MAP2K7: variants seen among roughly 807,000 people sequenced by gnomAD.
The protein encoded by MAP2K7 is dual specificity mitogen-activated protein kinase kinase 7.
A neutral mutation model predicts 47.7 loss-of-function variants in MAP2K7; 12 were observed. The observed-to-expected ratio is 0.25, with a 90% CI of 0.16 to 0.41. MAP2K7 has a LOEUF of 0.41. MAP2K7 is among the 10% of genes least tolerant of loss of function. The pLI is 1.00. For synonymous variants in MAP2K7, 299 were observed against 243.0 expected, an observed-to-expected ratio of 1.23 and a Z score of -2.14; for missense variants, 415 against 600.3, an observed-to-expected ratio of 0.69 and a Z score of 3.23.
intron 1 of MAP2K7, chr19:7,906,155 G>A (rs1389771517): frequency 5.1e-5 from 23 of 455,082 alleles, no homozygotes; most frequent in Admixed American, 4.2e-4. Flanking sequence ...GGGGGTGCAC[G>A]CCTGTGTGTG....
intron 3 of MAP2K7, 52 bp from the exon 4 acceptor site, chr19:7,910,207 AG>A: frequency 6.2e-7 from 1 of 1,603,164 alleles, no homozygotes; most frequent in African/African-American, 1.3e-5. Context: ...AGTGGGGGGC[AG>A]GGGGCGGTGG....
chr19:7,909,234 T>C (rs943450317), intron 1 of MAP2K7, among the ~76,000 whole-genome samples: 4 of 152,188 alleles, frequency 2.6e-5, no homozygotes, highest in African/African-American at 4.8e-5. Context: ...CAAGGCAGCC[T>C]GAAGCCTGGG....
chr19:7,905,801 C>A (rs772916245), intron 1 of MAP2K7: 1 of 1,611,722 alleles, frequency 6.2e-7, no homozygotes, highest in Non-Finnish European at 8.5e-7. Context: ...TCCTTTTCCC[C>A]ATCCAGTTAT....
chr19:7,912,464 AG>A lies in MAP2K7; in HGVS notation c.*37del, dbSNP rs780603370. On this transcript the variant is annotated 3_prime_UTR_variant, in exon 11 of 11. Coordinates refer to ENST00000397979, the MANE Select transcript of MAP2K7 (RefSeq NM_145185.4). Reference sequence around the variant, plus strand: ...GCGGCGGCCAGCCCCACAGGGGGCCAGGGGCATGGCCACAGGCCCCCCTCCC... The same window carrying A: ...GCGGCGGCCAGCCCCACAGGGGGCCAGGGCATGGCCACAGGCCCCCCTCCC... 63 of 1,591,896 alleles carry A rather than the reference AG, an allele frequency of 4.0e-5. No homozygotes were observed. In the East Asian group the frequency reaches 1.4e-3, roughly 36 times the overall value.
rs1982698130 is a variant in MAP2K7 at position 7,909,803 on chromosome 19, CAGAG to C, written c.176_179del (p.Glu59AlafsTer41). The C allele has an allele frequency of 6.5e-7, 1 of 1,543,434 alleles. No individual in the cohort carries two copies. Among genetic ancestry groups the C allele is most frequent in the Non-Finnish European group, 8.7e-7 (1 of 1,146,184 alleles). On this transcript the variant is annotated frameshift_variant, in exon 2 of 11. Coordinates refer to ENST00000397979, the MANE Select transcript of MAP2K7 (RefSeq NM_145185.4). LOFTEE classifies it high-confidence loss of function. ...GATGGGGGCAGCCGCTCGCCATCCTCAGAGAGCTCCCCGCAGCACCCCACGCCCC... is the reference window on the plus strand; with the variant it reads ...GATGGGGGCAGCCGCTCGCCATCCTCAGCTCCCCGCAGCACCCCACGCCCC...
At chr19:7,911,228 T>C (rs1982837031) in intron 7 of MAP2K7, 22 bp from the exon 8 acceptor site, 4 of 1,584,848 alleles carry the variant, frequency 2.5e-6, no homozygotes, top group Admixed American at 1.7e-5. Flanking sequence ...TGGAGATACG[T>C]CTTCTCCTCC....
At chr19:7,907,502 C>T (rs552267854) in intron 1 of MAP2K7, among the ~76,000 whole-genome samples, 5 of 152,340 alleles carry the variant, frequency 3.3e-5, no homozygotes, top group South Asian at 2.1e-4. Flanking sequence ...CTCTCTCATC[C>T]GTTCTCTTTC....
Position 7,909,905 on chromosome 19 carries a change from G to C in MAP2K7, c.266+9G>C. ...CCCCGCAGCATGGAGAGGTGAGCCA[G>C]GGGCCCAGCAGGGTTGGGTGGGAAG... On this transcript the variant is annotated intron_variant, in intron 2 of 10. Transcript: ENST00000397979. 1 of 1,510,762 alleles carries C rather than the reference G, an allele frequency of 6.6e-7. No homozygotes were observed. Among genetic ancestry groups the C allele is most frequent in the Non-Finnish European group, 8.9e-7 (1 of 1,125,648 alleles). The allele number at this position is 1,510,762 out of a possible 1,614,324, so 93.6% of individuals were successfully genotyped here.
At chr19:7,904,816 G>T (rs1179958616) in intron 1 of MAP2K7, among the ~76,000 whole-genome samples, 1 of 151,998 alleles carries the variant, frequency 6.6e-6, no homozygotes, top group Non-Finnish European at 1.5e-5. Context: ...AGCCAGCCCG[G>T]TGACTTTGTC....
intron 9 of MAP2K7, 70 bp from the exon 10 acceptor site, chr19:7,912,079 G>A (rs1194691054): frequency 1.3e-6 from 2 of 1,482,556 alleles, no homozygotes; most frequent in Admixed American, 1.7e-5. Flanking sequence ...GGGAGGGCCT[G>A]AGCACAGGGG....
At chr19:7,909,484 G>A (rs939615396) in intron 1 of MAP2K7, among the ~76,000 whole-genome samples, 8 of 152,336 alleles carry the variant, frequency 5.3e-5, no homozygotes, top group South Asian at 2.1e-4. Flanking sequence ...TCGTTTCTCC[G>A]TCAGCGTAGA....
At chr19:7,907,376 G>A (rs1020694928) in intron 1 of MAP2K7, among the ~76,000 whole-genome samples, 3 of 152,214 alleles carry the variant, frequency 2.0e-5, no homozygotes, top group African/African-American at 7.2e-5. Flanking sequence ...TCCACGGCAT[G>A]CCCCGGGTGT....
chr19:7,904,717 C>T lies in MAP2K7; in HGVS notation c.124+649C>T, dbSNP rs959877788. Among the ~76,000 whole-genome samples the T allele has an allele frequency of 2.0e-5, 3 of 152,064 alleles. No individual in the cohort carries two copies. In the East Asian group the frequency reaches 5.8e-4, roughly 29 times the overall value. On this transcript the variant is annotated intron_variant, in intron 1 of 10. Coordinates refer to ENST00000397979, the MANE Select transcript of MAP2K7 (RefSeq NM_145185.4). ...TCAGCAGACCCCCTCCCACATACACCAGGCCCCGCAAATCCCTGTGACCAG... is the reference window on the plus strand; with the variant it reads ...TCAGCAGACCCCCTCCCACATACACTAGGCCCCGCAAATCCCTGTGACCAG...
At chr19:7,912,262 G>A (rs369434060) in intron 10 of MAP2K7, 35 bp from the exon 11 acceptor site, 102 of 1,613,308 alleles carry the variant, frequency 6.3e-5, no homozygotes, top group Admixed American at 1.2e-4. Context: ...AGGGAAGACC[G>A]TCTCCTCCTA....
chr19:7,904,087 G>C lies in MAP2K7; in HGVS notation c.124+19G>C, dbSNP rs776219808. ...AGGCCCAGTAAGCACGGCGGCGTGG[G>C]GGAGGGGGCGGGCGGGCGGGGCGGG... On this transcript the variant is annotated intron_variant, in intron 1 of 10. Transcript: ENST00000397979. 4 of 1,279,258 alleles carry C rather than the reference G, an allele frequency of 3.1e-6. No individual in the cohort carries two copies. In the East Asian group the frequency reaches 1.4e-4, roughly 43 times the overall value. The allele number at this position is 1,279,258 out of a possible 1,614,324, so 79.2% of individuals were successfully genotyped here. A position where few individuals can be genotyped will look rare whatever the true frequency, so the allele number is the denominator to read the frequency against.
At chr19:7,905,496 C>G (rs1353950501) in intron 1 of MAP2K7, among the ~76,000 whole-genome samples, 1 of 152,214 alleles carries the variant, frequency 6.6e-6, no homozygotes, top group African/African-American at 2.4e-5. Context: ...GCCGCCCTCC[C>G]TGGCCCCTGA....
rs756619690 is a variant in MAP2K7 at position 7,910,763 on chromosome 19, G to A, written c.635G>A (p.Gly212Asp). ...CAEKLKKRMQGPIPERILGKM... is the reference protein window; with the variant it reads ...CAEKLKKRMQDPIPERILGKM... ...GAGAAGCTCAAGAAGCGGATGCAGG[G>A]CCCCATCCCCGAGCGCATTCTGGGC... Residue 212 changes from glycine to aspartate, a missense_variant, in exon 6 of 11, where the codon GGC becomes GAC. By Grantham distance (94) the Gly-to-Asp change is moderately conservative. Around this residue, in one of 3 missense-constraint regions of MAP2K7, gnomAD observed 206 missense variants for 368.8 expected, o/e 0.56. Coordinates refer to ENST00000397979, the MANE Select transcript of MAP2K7 (RefSeq NM_145185.4). The A allele has an allele frequency of 3.7e-6, 6 of 1,611,822 alleles. No individual in the cohort carries two copies. In the South Asian group the frequency reaches 5.5e-5, roughly 15 times the overall value.
At chr19:7,908,869 A>C (rs1982628066) in intron 1 of MAP2K7, among the ~76,000 whole-genome samples, 1 of 151,936 alleles carries the variant, frequency 6.6e-6, no homozygotes, top group South Asian at 2.1e-4. Context: ...CCTGGGCCCT[A>C]GTCTTGGTTC....
chr19:7,912,482 C>G lies in MAP2K7; in HGVS notation c.*51C>G. 2 of 1,556,142 alleles carry G rather than the reference C, an allele frequency of 1.3e-6. No individual in the cohort carries two copies. The highest frequency in any genetic ancestry group is 1.7e-6 in the Non-Finnish European group (2 of 1,157,118). On this transcript the variant is annotated 3_prime_UTR_variant, in exon 11 of 11. Coordinates refer to ENST00000397979, the MANE Select transcript of MAP2K7 (RefSeq NM_145185.4). ...GGGGGCCAGGGGCATGGCCACAGGC[C>G]CCCCTCCCCACTTGGCCACCCAGCT...
Sources: allele counts gnomAD v4.1 joint callset (sites outside exome capture counted in the v4.1 genomes callset), GRCh38; gene constraint gnomAD v4.1.1; regional missense constraint gnomAD v4.1.1; transcripts MANE v1.5; gene names NCBI Gene and HGNC (gene_info 2026-07-23, HGNC 2026-07-21).